TCF25: variants seen among roughly 807,000 people sequenced by gnomAD.
The protein encoded by TCF25 is ribosome quality control complex subunit TCF25.
TCF25 carries 41 observed loss-of-function variants against 83.1 expected under a neutral mutation model. The observed-to-expected ratio is 0.49, with a 90% CI of 0.38 to 0.64. The LOEUF is 0.64. TCF25 is among the 30% of genes least tolerant of loss of function. TCF25 has a pLI of 0.00. For synonymous variants in TCF25, 458 were observed against 365.0 expected, an observed-to-expected ratio of 1.25 and a Z score of -2.90; for missense variants, 979 against 914.5, an observed-to-expected ratio of 1.07 and a Z score of -0.91.
At chr16:89,873,915 G>C in intron 1 of TCF25, 56 bp downstream of exon 1, 1 of 1,459,248 alleles carries the variant, frequency 6.9e-7, no homozygotes, top group Non-Finnish European at 9.0e-7. Context: ...TTGTGGGGCG[G>C]GGCGAGCGTC....
At chr16:89,884,434 A>G (rs1442508113) in intron 2 of TCF25, 148 bp from the exon 3 acceptor site, 2 of 712,234 alleles carry the variant, frequency 2.8e-6, no homozygotes, top group Admixed American at 2.5e-5. Context: ...CCTGCTGGAG[A>G]GAAGAGAGTG....
At chr16:89,905,225 G>T in intron 14 of TCF25, 129 bp downstream of exon 14, 3 of 1,295,330 alleles carry the variant, frequency 2.3e-6, no homozygotes, top group Non-Finnish European at 2.1e-6. Flanking sequence ...TGTGGGGCCT[G>T]TGTGGAGCCT....
rs1268065246 is a variant in TCF25, at chr16:89,885,894, A to G, written c.476A>G (p.Asp159Gly). 6.2e-7 allele frequency: 1 copy of G among 1,614,176 alleles called. No homozygotes were observed. ...GATCGCATCCTAGAGAGGATTGAGG[A>G]CAGCACTGGGTTGAACCGTCCCGGC... ...DIDRILERIE[D>G]STGLNRPGPA... The change falls in exon 4 of 18, where the codon GAC becomes GGC. Residue 159 changes from aspartate to glycine, a missense_variant. Transcript: ENST00000263346.
chr16:89,891,956 C>T (rs1208878498), intron 5 of TCF25, among the ~76,000 whole-genome samples: 1 of 152,070 alleles, frequency 6.6e-6, no homozygotes, highest in Non-Finnish European at 1.5e-5. Context: ...AGGTGTGAGC[C>T]CCCGTGCCCA....
chr16:89,878,729 C>T lies in TCF25; in HGVS notation c.193-4622C>T, dbSNP rs542883383. On this transcript the variant is annotated intron_variant, in intron 1 of 17. Coordinates refer to ENST00000263346, the MANE Select transcript of TCF25 (RefSeq NM_014972.3). ...CATCTCAGCTCACTGCAAGCTCTGCCTCCTGGATTCACTCCATTGTCCAGC... is the reference window on the plus strand; with the variant it reads ...CATCTCAGCTCACTGCAAGCTCTGCTTCCTGGATTCACTCCATTGTCCAGC... 4 of 881,878 alleles carry T rather than the reference C, an allele frequency of 4.5e-6. No individual in the cohort carries two copies. In the African/African-American group the frequency reaches 7.3e-5, roughly 16 times the overall value. The allele number at this position is 881,878 out of a possible 1,614,324, so 54.6% of individuals were successfully genotyped here. A position where few individuals can be genotyped will look rare whatever the true frequency, so the allele number is the denominator to read the frequency against.
chr16:89,910,473 C>G (rs1196630653), intron 16 of TCF25, 118 bp from the exon 17 acceptor site: 1 of 1,001,274 alleles, frequency 1.0e-6, no homozygotes, highest in Non-Finnish European at 1.5e-6. Flanking sequence ...GCTCTGCCCC[C>G]TGGCGGCCCC....
At position 89,911,099 on chromosome 16, in the gene TCF25, G is replaced by T. The variant is rs370816811; in HGVS notation, c.1892G>T (p.Gly631Val). The change falls in exon 18 of 18, where the codon GGA (glycine) becomes GTA (valine). Residue 631 changes from glycine (G) to valine (V), a missense_variant. Gly to Val is a moderately radical substitution (Grantham distance 109, BLOSUM62 -3). Coordinates refer to ENST00000263346, the MANE Select transcript of TCF25 (RefSeq NM_014972.3). ...CTGCAGGGGGAGAGGCCCGAGGAAGGAGTGGCTGGGGGTCTGAACCGCAAC... is the reference window on the plus strand; with the variant it reads ...CTGCAGGGGGAGAGGCCCGAGGAAGTAGTGGCTGGGGGTCTGAACCGCAAC... ...YTMEGERPEE[G>V]VAGGLNRNQG... The T allele has an allele frequency of 6.2e-6, 10 of 1,611,118 alleles. No homozygotes were observed. Among genetic ancestry groups the T allele is most frequent in the Admixed American group, 1.7e-5 (1 of 60,000 alleles).
chr16:89,878,314 G>A (rs1288199012), intron 1 of TCF25: 30 of 600,684 alleles, frequency 5.0e-5, no homozygotes, highest in East Asian at 2.3e-4. Flanking sequence ...GGCTGGGTGC[G>A]GTGGCTCATG....
At chr16:89,909,065 G>C (rs140661381) in intron 16 of TCF25, 14 of 1,289,532 alleles carry the variant, frequency 1.1e-5, no homozygotes, top group South Asian at 2.5e-5. Context: ...AAGCGCTTGC[G>C]TGTCGGCCTC....
At chr16:89,889,133 G>A (rs1206679179) in intron 5 of TCF25, 2 of 312,398 alleles carry the variant, frequency 6.4e-6, no homozygotes, top group South Asian at 5.3e-5. Context: ...GGGACTTTAT[G>A]TAGGAGGTAT....
chr16:89,877,676 T>C (rs2042298754), intron 1 of TCF25, among the ~76,000 whole-genome samples: 1 of 152,176 alleles, frequency 6.6e-6, no homozygotes, highest in Non-Finnish European at 1.5e-5. Flanking sequence ...ATGGACACGA[T>C]GGAGAGAATC....
intron 16 of TCF25, chr16:89,909,036 C>A: frequency 7.8e-7 from 1 of 1,289,510 alleles, no homozygotes; most frequent in Non-Finnish European, 1.0e-6. Flanking sequence ...ACGTTCTTTC[C>A]CATCTCCACC....
chr16:89,891,179 C>G (rs1312322577), intron 5 of TCF25, among the ~76,000 whole-genome samples: 2 of 152,250 alleles, frequency 1.3e-5, no homozygotes, highest in Non-Finnish European at 2.9e-5. Context: ...TCTGCCCAGG[C>G]TGCCTCGTTG....
chr16:89,898,928 G>C (rs1334177398), intron 11 of TCF25, 56 bp downstream of exon 11: 6 of 1,550,654 alleles, frequency 3.9e-6, no homozygotes, highest in Non-Finnish European at 5.3e-6. Context: ...TTCTCCTTCT[G>C]TTTTCTTGGT....
intron 11 of TCF25, among the ~76,000 whole-genome samples, chr16:89,900,367 G>C (rs569890598): frequency 1.3e-5 from 2 of 152,004 alleles, no homozygotes; most frequent in South Asian, 4.2e-4. Context: ...TGGGCGGCAG[G>C]TGGGACCCTC....
At position 89,875,415 on chromosome 16, in the gene TCF25, C is replaced by G. The variant is rs570460768; in HGVS notation, c.192+1556C>G. ...TCGGTTTGTGTTTGTTCTTTAACTT[C>G]TTTAATTTCTGCGTGCTGAAAGATA... On this transcript the variant is annotated intron_variant, in intron 1 of 17. Transcript: ENST00000263346. Among the ~76,000 whole-genome samples the G allele has an allele frequency of 6.2e-4, 92 of 147,980 alleles. 1 individual carries two copies. Among genetic ancestry groups the G allele is most frequent in the Non-Finnish European group, 1.2e-3 (82 of 67,486 alleles).
At chr16:89,875,820 CTTTTTT>C (rs1164528945) in intron 1 of TCF25, among the ~76,000 whole-genome samples, 1 of 64,834 alleles carries the variant, frequency 1.5e-5, no homozygotes, top group South Asian at 5.5e-4. Context: ...CTGCGCCTGG[CTTTTTT>C]TTTTTTTTTT....
rs1385211060 is a variant in TCF25 at position 89,900,795 on chromosome 16, G to T, written c.1381+1G>T. The T allele has an allele frequency of 6.4e-7, 1 of 1,570,588 alleles. No homozygotes were observed. On this transcript the variant is annotated splice_donor_variant, in intron 12 of 17. Transcript: ENST00000263346. LOFTEE classifies it high-confidence loss of function. ...CAGGCGCTCACCATGTTCCCTGGAG[G>T]TGAGTGAGCGCTGTGTCTCGCCTGG...
At position 89,875,513 on chromosome 16, in the gene TCF25, G is replaced by GTTT. The variant is rs1193815042; in HGVS notation, c.192+1679_192+1681dup. ...TTCACATAGATATTCCCTGACGTGA[G>GTTT]TTTTTTTTTTTTTTTTTTTTTTTTT... is the stretch of plus-strand genomic sequence containing the variant. On this transcript the variant is annotated intron_variant, in intron 1 of 17. Coordinates refer to ENST00000263346, the MANE Select transcript of TCF25 (RefSeq NM_014972.3). Among the ~76,000 whole-genome samples the GTTT allele has an allele frequency of 1.6e-3, 103 of 66,010 alleles. 17 individuals carry two copies. The highest frequency in any genetic ancestry group is 1.8e-3 in the African/African-American group (26 of 14,100). The allele number at this position is 66,010 out of a possible 152,430, so 43.3% of individuals were successfully genotyped here.
Sources: gnomAD v4.1 joint callset for allele counts (sites outside exome capture counted in the v4.1 genomes callset) on GRCh38, gnomAD v4.1.1 for gene constraint, MANE v1.5 for transcripts, NCBI Gene and HGNC (gene_info 2026-07-23, HGNC 2026-07-21) for gene names.